Variants in MACROD2 observed in about 807,000 individuals in gnomAD.
MACROD2 encodes ADP-ribose glycohydrolase MACROD2.
In MACROD2, 36 loss-of-function variants were observed where a neutral mutation model predicts 70.4. The observed-to-expected ratio is 0.51, with a 90% CI of 0.39 to 0.68. MACROD2 has a LOEUF of 0.68. MACROD2 is among the 30% of genes least tolerant of loss of function. The probability of loss-of-function intolerance (pLI) is 0.00; values close to 1 mark genes in which losing one functional copy is unlikely to be tolerated. For synonymous variants in MACROD2, 172 were observed against 178.8 expected (o/e 0.96, Z 0.30); for missense variants, 496 against 538.4 (o/e 0.92, Z 0.78).
chr20:14,008,475 A>C (rs1010919781), intron 2 of MACROD2, among the ~76,000 whole-genome samples: 2 of 152,218 alleles, frequency 1.3e-5, no homozygotes, highest in African/African-American at 4.8e-5. Flanking sequence ...ATCAGAGAGG[A>C]CACAAACAGA....
intron 3 of MACROD2, among the ~76,000 whole-genome samples, chr20:14,477,544 C>A (rs963730885): frequency 6.6e-5 from 10 of 152,224 alleles, no homozygotes; most frequent in Admixed American, 5.9e-4. Flanking sequence ...TTCCTCCACA[C>A]AAATTTGTAT....
chr20:15,097,838 A>C (rs1402168453), intron 5 of MACROD2, among the ~76,000 whole-genome samples: 1 of 152,228 alleles, frequency 6.6e-6, no homozygotes, highest in South Asian at 2.1e-4. Flanking sequence ...AAGATCAATA[A>C]AAGGTAATCT....
At chr20:15,176,395 G>T (rs954572685) in intron 5 of MACROD2, among the ~76,000 whole-genome samples, 1 of 152,142 alleles carries the variant, frequency 6.6e-6, no homozygotes, top group Non-Finnish European at 1.5e-5. Context: ...AACTTATGGT[G>T]CTTTTTCTGG....
chr20:15,608,737 T>C (rs1409510297), intron 8 of MACROD2, among the ~76,000 whole-genome samples: 2 of 152,246 alleles, frequency 1.3e-5, no homozygotes, highest in East Asian at 3.8e-4. Context: ...CACTTCCTTC[T>C]CTTTTGCTGC....
At chr20:15,794,416 A>T (rs1330691088) in intron 8 of MACROD2, among the ~76,000 whole-genome samples, 1 of 152,212 alleles carries the variant, frequency 6.6e-6, no homozygotes, top group Non-Finnish European at 1.5e-5. Context: ...GCCAACCCTC[A>T]TATCTTCAGC....
intron 5 of MACROD2, among the ~76,000 whole-genome samples, chr20:14,804,684 A>G (rs2072617729): frequency 6.6e-6 from 1 of 151,946 alleles, no homozygotes; most frequent in African/African-American, 2.4e-5. Context: ...CCTGCCGTTC[A>G]GATGCTCTGA....
intron 2 of MACROD2, among the ~76,000 whole-genome samples, chr20:14,005,903 T>G (rs955212013): frequency 6.6e-6 from 1 of 152,130 alleles, no homozygotes; most frequent in African/African-American, 2.4e-5. Context: ...ACCTGCCTCT[T>G]TTTCCAAACT....
At chr20:14,679,968 G>A (rs2070911750) in intron 4 of MACROD2, among the ~76,000 whole-genome samples, 1 of 152,172 alleles carries the variant, frequency 6.6e-6, no homozygotes, top group South Asian at 2.1e-4. Flanking sequence ...GATTCTATTT[G>A]TGACATAAGG....
chr20:14,718,719 A>G, intron 5 of MACROD2, among the ~76,000 whole-genome samples: 1 of 152,184 alleles, frequency 6.6e-6, no homozygotes, highest in East Asian at 1.9e-4. Context: ...AGAAATAATT[A>G]CTAGAAACAA....
At chr20:14,037,968 T>TA (rs1282591189) in intron 2 of MACROD2, among the ~76,000 whole-genome samples, 1 of 151,790 alleles carries the variant, frequency 6.6e-6, no homozygotes, top group African/African-American at 2.4e-5. Context: ...CTTGTGAGGG[T>TA]ACGGGGGCGA....
rs71190190 is a variant in MACROD2, at chr20:15,560,762, CAAAAAAAAAA to C, written c.645+60935_645+60944del. 1.8e-4 allele frequency among the ~76,000 whole-genome samples: 4 copies of C among 22,086 alleles called. No homozygotes were observed. The East Asian group carries it at 3.4e-3, about 19-fold the overall frequency. The allele number at this position is 22,086 out of a possible 152,430, so 14.5% of individuals were successfully genotyped here. On this transcript the variant is annotated intron_variant, in intron 8 of 17. Transcript: ENST00000684519. ...TGGGCCACAGGGCATAACAAAGTCTCAAAAAAAAAAAAAAAAAAAAAAAAAAAAAGACTGA... is the reference window on the plus strand; with the variant it reads ...TGGGCCACAGGGCATAACAAAGTCTCAAAAAAAAAAAAAAAAAAAGACTGA...
At chr20:15,891,239 G>T (rs1019714921) in intron 10 of MACROD2, among the ~76,000 whole-genome samples, 2 of 152,146 alleles carry the variant, frequency 1.3e-5, no homozygotes, top group African/African-American at 4.8e-5. Flanking sequence ...AGAACAGCAG[G>T]TGCAAAGGTT....
chr20:14,367,557 G>C (rs911675034), intron 3 of MACROD2, among the ~76,000 whole-genome samples: 1 of 152,130 alleles, frequency 6.6e-6, no homozygotes. Context: ...CATAGAATTC[G>C]TGGTTGACAG....
chr20:15,180,313 G>C (rs1037625560), intron 5 of MACROD2, among the ~76,000 whole-genome samples: 7 of 152,080 alleles, frequency 4.6e-5, no homozygotes, highest in South Asian at 2.1e-4. Context: ...TTTTTTATCC[G>C]TTTAGCTTTT....
chr20:15,810,216 A>G (rs2147085589), intron 8 of MACROD2, among the ~76,000 whole-genome samples: 1 of 151,978 alleles, frequency 6.6e-6, no homozygotes, highest in Admixed American at 6.6e-5. Flanking sequence ...ATGGCTGCAT[A>G]GTATTCCATG....
intron 8 of MACROD2, among the ~76,000 whole-genome samples, chr20:15,541,058 A>G (rs544934610): frequency 1.3e-5 from 2 of 152,232 alleles, no homozygotes; most frequent in Non-Finnish European, 2.9e-5. Context: ...TTTTAGAGAT[A>G]CAATTCAATC....
chr20:15,842,418 C>T (rs568089628), intron 8 of MACROD2, among the ~76,000 whole-genome samples: 1 of 151,428 alleles, frequency 6.6e-6, no homozygotes, highest in Admixed American at 6.6e-5. Context: ...GCAGTCAGGA[C>T]CCAGAACCAA....
At chr20:14,677,912 T>G (rs1366805447) in intron 4 of MACROD2, among the ~76,000 whole-genome samples, 1 of 152,058 alleles carries the variant, frequency 6.6e-6, no homozygotes, top group African/African-American at 2.4e-5. Context: ...TTTGCACAAG[T>G]TTAAAAAAAA....
intron 2 of MACROD2, among the ~76,000 whole-genome samples, chr20:14,024,187 T>A (rs893862409): frequency 1.1e-4 from 16 of 152,040 alleles, no homozygotes; most frequent in African/African-American, 3.4e-4. Flanking sequence ...TCACTCATGA[T>A]TTGGCTATTA....
Sources: gnomAD v4.1 joint callset for allele counts (sites outside exome capture counted in the v4.1 genomes callset) on GRCh38, gnomAD v4.1.1 for gene constraint, MANE v1.5 for transcripts, NCBI Gene and HGNC (gene_info 2026-07-23, HGNC 2026-07-21) for gene names.